RET: variants seen among roughly 807,000 people sequenced by gnomAD.
RET encodes ret proto-oncogene.
Under a neutral mutation model 118.3 loss-of-function variants are expected in RET, and 19 were observed. That is an observed-to-expected ratio of 0.16 (90% CI 0.11 to 0.24). The LOEUF (loss-of-function observed/expected upper bound fraction) is 0.24, where lower values mean the gene tolerates loss of function less well. Among genes scored for constraint, RET ranks in the 10% least tolerant of loss-of-function variants. The pLI is 1.00. For missense variants in RET, 1,219 were observed against 1,502.1 expected (o/e 0.81, Z 3.12); for synonymous variants, 597 against 644.1 (o/e 0.93, Z 1.11).
chr10:43,100,621 G>A lies in RET; in HGVS notation c.236G>A (p.Arg79Gln), dbSNP rs1318325737. The change falls in exon 2 of 20, where the codon CGG (arginine) becomes CAG (glutamine). Residue 79 changes from arginine (R) to glutamine (Q), a missense_variant. Coordinates refer to ENST00000355710, the MANE Select transcript of RET (RefSeq NM_020975.6). ...CATCTCTACGGCACGTACCGCACACGGCTGCATGAGAACAACTGGATCTGC... is the reference window on the plus strand; with the variant it reads ...CATCTCTACGGCACGTACCGCACACAGCTGCATGAGAACAACTGGATCTGC... ...GQHLYGTYRT[R>Q]LHENNWICIQ... 6.2e-6 allele frequency: 10 copies of A among 1,613,734 alleles called. No homozygotes were observed. Among genetic ancestry groups the A allele is most frequent in the Admixed American group, 1.7e-5 (1 of 59,978 alleles).
At chr10:43,116,870 A>G in intron 12 of RET, 139 bp downstream of exon 12, 1 of 1,020,076 alleles carries the variant, frequency 9.8e-7, no homozygotes, top group South Asian at 1.6e-5. Context: ...GACCCCTACC[A>G]TGGGCCACTT....
intron 5 of RET, among the ~76,000 whole-genome samples, chr10:43,107,831 A>G (rs1350280499): frequency 6.6e-6 from 1 of 152,130 alleles, no homozygotes; most frequent in Non-Finnish European, 1.5e-5. Context: ...TTTGGCCCCA[A>G]AATGCAGGGT....
chr10:43,119,819 A>C, intron 14 of RET, 74 bp downstream of exon 14: 1 of 1,458,934 alleles, frequency 6.9e-7, no homozygotes. Context: ...CCTGCCACCC[A>C]CACCCTGGCC....
At position 43,104,978 on chromosome 10, in the gene RET, C is replaced by A; in HGVS notation, c.652C>A (p.Pro218Thr). 1 of 1,577,386 alleles carries A rather than the reference C, an allele frequency of 6.3e-7. No individual in the cohort carries two copies. Among genetic ancestry groups the A allele is most frequent in the East Asian group, 2.3e-5 (1 of 43,662 alleles). The change falls in exon 4 of 20, where the codon CCG (proline) becomes ACG (threonine). Residue 218 changes from proline (P) to threonine (T), a missense_variant. Physicochemically the swap from Pro to Thr is conservative, Grantham distance 38. Around this residue, in one of 5 missense-constraint regions of RET, gnomAD observed 850 missense variants for 969.6 expected, o/e 0.88. Coordinates refer to ENST00000355710, the MANE Select transcript of RET (RefSeq NM_020975.6). ...TGAGGGTCTGCCCTTCCGCTGCGCC[C>A]CGGACAGCCTGGAGGTGAGCACGCG... The part of the protein sequence containing the change: ...EGEGLPFRCA[P>T]DSLEVSTRWA...
chr10:43,122,203 A>G (rs368145209), intron 16 of RET, among the ~76,000 whole-genome samples, 187 bp downstream of exon 16: 1 of 152,174 alleles, frequency 6.6e-6, no homozygotes. Flanking sequence ...TCGTGAGGCA[A>G]ATGGCTGGGC....
chr10:43,095,370 T>C (rs1000183633), intron 1 of RET, among the ~76,000 whole-genome samples: 8 of 152,190 alleles, frequency 5.3e-5, no homozygotes, highest in Non-Finnish European at 1.2e-4. Context: ...GAGCAACCCC[T>C]GGCCTGTCCC....
intron 15 of RET, among the ~76,000 whole-genome samples, chr10:43,120,633 C>T (rs1207392780): frequency 2.0e-5 from 3 of 152,234 alleles, no homozygotes; most frequent in Admixed American, 6.5e-5. Flanking sequence ...AGGCTTCTCC[C>T]GCACAGGGGC....
chr10:43,118,575 C>A, intron 13 of RET, 95 bp downstream of exon 13: 1 of 919,178 alleles, frequency 1.1e-6, no homozygotes, highest in Non-Finnish European at 1.8e-6. Context: ...TTCCCTACTG[C>A]TCCTGCCCTG....
chr10:43,112,986 A>C (rs1327880769), intron 9 of RET, 23 bp downstream of exon 9: 1 of 1,592,540 alleles, frequency 6.3e-7, no homozygotes, highest in Non-Finnish European at 8.6e-7. Context: ...TAATCAGGGC[A>C]TGGGAACAGG....
At position 43,105,181 on chromosome 10, in the gene RET, C is replaced by A. The variant is rs778909045; in HGVS notation, c.855C>A (p.Phe285Leu). ...ACACCGCCAGCGCCGTGGTGGAGTTCAAGCGGAAGGAGGTGCTTGTCCGCG... is the reference window on the plus strand; with the variant it reads ...ACACCGCCAGCGCCGTGGTGGAGTTAAAGCGGAAGGAGGTGCTTGTCCGCG... ...GVDTASAVVE[F>L]KRKEDTVVAT... Residue 285 changes from phenylalanine (F) to leucine (L), a missense_variant, in exon 4 of 20, where the codon TTC (phenylalanine) becomes TTA (leucine). Physicochemically the swap from Phe to Leu is conservative, Grantham distance 22 (BLOSUM62 0). Coordinates refer to ENST00000355710, the MANE Select transcript of RET (RefSeq NM_020975.6). 1 of 1,612,874 alleles carries A rather than the reference C, an allele frequency of 6.2e-7. No individual in the cohort carries two copies. Among genetic ancestry groups the A allele is most frequent in the Non-Finnish European group, 8.5e-7 (1 of 1,179,900 alleles).
intron 1 of RET, among the ~76,000 whole-genome samples, chr10:43,089,181 G>T (rs1837358563): frequency 6.6e-6 from 1 of 152,366 alleles, no homozygotes; most frequent in East Asian, 1.9e-4. Context: ...GCAGAAGCGT[G>T]TGATGACTTC....
chr10:43,083,025 G>A (rs567514146), intron 1 of RET, among the ~76,000 whole-genome samples: 1 of 152,318 alleles, frequency 6.6e-6, no homozygotes, highest in Non-Finnish European at 1.5e-5. Flanking sequence ...CACCACCATT[G>A]CCTGTAGGGC....
chr10:43,100,388 A>ATT lies in RET; in HGVS notation c.74-58_74-57dup, dbSNP rs57003029. On this transcript the variant is annotated intron_variant, in intron 1 of 19. Coordinates refer to ENST00000355710, the MANE Select transcript of RET (RefSeq NM_020975.6). ...CTAAGATCGGAATTTTAAATTAATG[A>ATT]TTTTTTTTTTTTTTGTCCTTGAAGA... 0.023 allele frequency: 32,561 copies of ATT among 1,391,384 alleles called. 43 individuals are homozygous for ATT. The highest frequency in any genetic ancestry group is 0.028 in the Non-Finnish European group (27,993 of 1,007,358). 86.2% of individuals were successfully genotyped at this position (1,391,384 alleles called of 1,614,324 possible).
In RET at chr10:43,120,432, T is replaced by C. The variant is rs3026768; in HGVS notation, c.2730+229T>C. Among the ~76,000 whole-genome samples, 6,857 of 152,322 alleles carry C rather than the reference T, an allele frequency of 0.045. 187 individuals are homozygous for C. Among genetic ancestry groups the C allele is most frequent in the South Asian group, 0.089 (430 of 4,830 alleles). On this transcript the variant is annotated intron_variant, in intron 15 of 19. Transcript: ENST00000355710. Reference sequence around the variant, plus strand: ...CCAGGGCCTCCAGGGCACCCCTCCCTGGCAGCATACTGACCCGAGGCCCTT... The same window carrying C: ...CCAGGGCCTCCAGGGCACCCCTCCCCGGCAGCATACTGACCCGAGGCCCTT...
At chr10:43,088,765 AGCCTT>A (rs1328512228) in intron 1 of RET, among the ~76,000 whole-genome samples, 2 of 152,130 alleles carry the variant, frequency 1.3e-5, no homozygotes, top group Admixed American at 1.3e-4. Context: ...TGGAGTCCAC[AGCCTT>A]GCCTGGAATC....
intron 18 of RET, 79 bp downstream of exon 18, chr10:43,125,061 G>A: frequency 7.4e-7 from 1 of 1,343,046 alleles, no homozygotes; most frequent in Non-Finnish European, 1.1e-6. Context: ...AGTAGTTTTA[G>A]CCCTCAGAGT....
chr10:43,093,031 C>G (rs1373117597), intron 1 of RET, among the ~76,000 whole-genome samples: 4 of 152,178 alleles, frequency 2.6e-5, no homozygotes, highest in Non-Finnish European at 4.4e-5. Context: ...CTCGTTGATT[C>G]ATTGATTCAT....
intron 3 of RET, among the ~76,000 whole-genome samples, chr10:43,104,128 A>G (rs1328143332): frequency 6.6e-6 from 1 of 152,184 alleles, no homozygotes; most frequent in Non-Finnish European, 1.5e-5. Context: ...CGCACTGGAC[A>G]AGGAGGTGTA....
At position 43,124,987 on chromosome 10, in the gene RET, G is replaced by C. The variant is rs876660714; in HGVS notation, c.3039+5G>C. The C allele has an allele frequency of 6.2e-7, 1 of 1,613,920 alleles. No homozygotes were observed. Among genetic ancestry groups the C allele is most frequent in the Non-Finnish European group, 8.5e-7 (1 of 1,179,820 alleles). On this transcript the variant is annotated splice_donor_5th_base_variant and intron_variant, in intron 18 of 19. Transcript: ENST00000355710. The stretch of plus-strand genomic sequence containing the variant: ...AAGATGATGGTTAAGAGGAGAGTGA[G>C]TGCCTGGGTCCAATTCCCACAAGCT...
Sources: gnomAD v4.1 joint callset for allele counts (sites outside exome capture counted in the v4.1 genomes callset) on GRCh38, gnomAD v4.1.1 for gene constraint, gnomAD v4.1.1 regional missense constraint, MANE v1.5 for transcripts, NCBI Gene and HGNC (gene_info 2026-07-23, HGNC 2026-07-21) for gene names.